Variants in CABIN1 observed in about 807,000 individuals in gnomAD.
The protein encoded by CABIN1 is calcineurin binding protein 1, also known as calcineurin-binding protein cabin-1.
Under a neutral mutation model 227.7 loss-of-function variants are expected in CABIN1, and 133 were observed. That is an observed-to-expected ratio of 0.58 (90% CI 0.51 to 0.67). The LOEUF is 0.67. Ranked by LOEUF, CABIN1 falls within the 30% of genes least tolerant of loss-of-function variation. The pLI, the probability that CABIN1 is intolerant of heterozygous loss-of-function variation, is 0.00. For missense variants in CABIN1, 2,408 were observed against 2,852.5 expected (o/e 0.84, Z 3.55); for synonymous variants, 1,086 against 1,155.1 (o/e 0.94, Z 1.21).
rs753097454 is a variant in CABIN1, at chr22:24,076,164, C to A, written c.2633-5C>A. The A allele has an allele frequency of 2.5e-6, 4 of 1,612,760 alleles. No individual in the cohort carries two copies. The South Asian group carries it at 4.4e-5, about 18-fold the overall frequency. Reference sequence around the variant, plus strand: ...TCTGTGTCTGTCGGCCTGGGCTTTCCCTAGGGATGTCAGAGACGCCCATGC... The same window carrying A: ...TCTGTGTCTGTCGGCCTGGGCTTTCACTAGGGATGTCAGAGACGCCCATGC... On this transcript the variant is annotated splice_polypyrimidine_tract_variant and splice_region_variant and intron_variant, in intron 18 of 36. Transcript: ENST00000263119.
rs569663586 is a variant in CABIN1, at chr22:24,048,168, G to T, written c.527-923G>T. Among the ~76,000 whole-genome samples, 97 of 150,638 alleles carry T rather than the reference G, an allele frequency of 6.4e-4. 1 individual carries two copies. The South Asian group carries it at 0.019, about 29-fold the overall frequency. ...TTGTAGGCAGTAGCTTTAATAATAG[G>T]TTTTTTTTTTAAAAAAAGGAGGAAA... is the stretch of plus-strand genomic sequence containing the variant. On this transcript the variant is annotated intron_variant, in intron 6 of 36. Coordinates refer to ENST00000263119, the MANE Select transcript of CABIN1 (RefSeq NM_012295.4).
chr22:24,113,730 G>C lies in CABIN1; in HGVS notation c.4282G>C (p.Gly1428Arg), dbSNP rs1270839158. 1 of 1,613,800 alleles carries C rather than the reference G, an allele frequency of 6.2e-7. No homozygotes were observed. The change falls in exon 27 of 37, where the codon GGG (glycine) becomes CGG (arginine). Residue 1428 changes from glycine to arginine, a missense_variant. Gly to Arg is a moderately radical substitution (Grantham distance 125, BLOSUM62 -2). This residue lies in a region of CABIN1 where 649 missense variants were observed against 910.3 expected (regional missense o/e 0.71). Coordinates refer to ENST00000263119, the MANE Select transcript of CABIN1 (RefSeq NM_012295.4). ...AGGAGCGACGGGTAAAGATCTTCAGGGGGCCACAGAAGAAAGAGGTATGAA... is the reference window on the plus strand; with the variant it reads ...AGGAGCGACGGGTAAAGATCTTCAGCGGGCCACAGAAGAAAGAGGTATGAA... ...QAGATGKDLQ[G>R]ATEERGKNEE...
chr22:24,136,797 C>T (rs548809732), intron 29 of CABIN1, among the ~76,000 whole-genome samples: 198 of 152,040 alleles, frequency 1.3e-3, no homozygotes, highest in Middle Eastern at 6.8e-3. Context: ...CTATGAAGCA[C>T]TGCCTTGACT....
Position 24,164,543 on chromosome 22 carries a change from G to T in CABIN1, c.4890G>T (p.Gln1630His). Residue 1630 changes from glutamine (Q) to histidine (H), a missense_variant, in exon 30 of 37, where the codon CAG (glutamine) becomes CAT (histidine). Physicochemically the swap from Gln to His is conservative, Grantham distance 24. This residue lies in a region of CABIN1 where 649 missense variants were observed against 910.3 expected (regional missense o/e 0.71). Transcript: ENST00000263119. The part of the protein sequence containing the change: ...STLLKVSSML[Q>H]RTPDQGKKYL... ...TGCTGAAGGTGTCCTCCATGCTTCAGCGGACCCCAGACCAGGGCAAGTGAG... is the reference window on the plus strand; with the variant it reads ...TGCTGAAGGTGTCCTCCATGCTTCATCGGACCCCAGACCAGGGCAAGTGAG... The T allele has an allele frequency of 6.2e-7, 1 of 1,604,938 alleles. No individual in the cohort carries two copies.
At position 24,117,604 on chromosome 22, in the gene CABIN1, G is replaced by C. The variant is rs147888826; in HGVS notation, c.4301-1763G>C. Reference sequence around the variant, plus strand: ...TAGAAAAGAGAATAGCTGTCTCTCTGAGAGAGGGGCGGCTGAGCGGGTCTT... The same window carrying C: ...TAGAAAAGAGAATAGCTGTCTCTCTCAGAGAGGGGCGGCTGAGCGGGTCTT... On this transcript the variant is annotated intron_variant, in intron 27 of 36. Transcript: ENST00000263119. Among the ~76,000 whole-genome samples, 460 of 152,276 alleles carry C rather than the reference G, an allele frequency of 3.0e-3. 5 individuals carry two copies. Among genetic ancestry groups the C allele is most frequent in the South Asian group, 0.019 (92 of 4,824 alleles).
intron 7 of CABIN1, among the ~76,000 whole-genome samples, chr22:24,050,520 G>A (rs537981973): frequency 6.6e-5 from 10 of 152,310 alleles, no homozygotes; most frequent in Admixed American, 6.5e-4. Flanking sequence ...ATAATTGAGA[G>A]AAAGATTTTA....
At position 24,041,140 on chromosome 22, in the gene CABIN1, C is replaced by G; in HGVS notation, c.212C>G (p.Ala71Gly). Residue 71 changes from alanine (A) to glycine (G), a missense_variant and splice_region_variant, in exon 5 of 37, where the codon GCA becomes GGA. Ala to Gly is a moderately conservative substitution (Grantham distance 60). This residue lies in a region of CABIN1 where 1,045 missense variants were observed against 1,168.4 expected (regional missense o/e 0.89). Transcript: ENST00000263119. ...ACTTCTGTTCTGTTTTGTTCACAGG[C>G]AGTTTCATCCGGTGATGAGAAAGAG... ...ELLEASLLRE[A>G]VSSGDEKEGL... 1 of 1,614,218 alleles carries G rather than the reference C, an allele frequency of 6.2e-7. No individual in the cohort carries two copies. Among genetic ancestry groups the G allele is most frequent in the South Asian group, 1.1e-5 (1 of 91,090 alleles).
chr22:24,137,875 T>C (rs2044515606), intron 29 of CABIN1, among the ~76,000 whole-genome samples: 1 of 152,388 alleles, frequency 6.6e-6, no homozygotes, highest in Middle Eastern at 3.4e-3. Context: ...CTCTGGTAGA[T>C]AGCCTTTAGG....
rs201352018 is a variant in CABIN1 at position 24,049,093 on chromosome 22, T to C, written c.529T>C (p.Cys177Arg). 2 of 1,613,868 alleles carry C rather than the reference T, an allele frequency of 1.2e-6. No individual in the cohort carries two copies. The highest frequency in any genetic ancestry group is 2.7e-5 in the African/African-American group (2 of 74,914). ...TAAACTGTCTCTTTCCCCGCCAGCATGTCTGTACTTCATCTGCAAAGCTTT... is the reference window on the plus strand; with the variant it reads ...TAAACTGTCTCTTTCCCCGCCAGCACGTCTGTACTTCATCTGCAAAGCTTT... Reference protein sequence around the residue: ...VLYTLSDYTTCLYFICKALEK... With the variant: ...VLYTLSDYTTRLYFICKALEK... Residue 177 changes from cysteine to arginine, a missense_variant and splice_region_variant, in exon 7 of 37, where the codon TGT (cysteine) becomes CGT (arginine). By Grantham distance (180) the Cys-to-Arg change is radical (BLOSUM62 -3). Coordinates refer to ENST00000263119, the MANE Select transcript of CABIN1 (RefSeq NM_012295.4).
At chr22:24,106,685 T>G (rs560513966) in intron 26 of CABIN1, among the ~76,000 whole-genome samples, 2 of 152,322 alleles carry the variant, frequency 1.3e-5, no homozygotes, top group East Asian at 3.9e-4. Context: ...TGTCTGTCTT[T>G]CTGTCTGTCT....
intron 29 of CABIN1, among the ~76,000 whole-genome samples, chr22:24,136,735 A>G (rs1225168116): frequency 2.1e-5 from 3 of 142,826 alleles, no homozygotes; most frequent in Admixed American, 6.9e-5. Flanking sequence ...TCACACACAC[A>G]CACGCACACA....
chr22:24,148,548 T>G (rs1339945142), intron 29 of CABIN1, among the ~76,000 whole-genome samples: 1 of 152,246 alleles, frequency 6.6e-6, no homozygotes, highest in Non-Finnish European at 1.5e-5. Context: ...CTTCCCTGTT[T>G]GCCTGCTCCC....
chr22:24,155,886 G>C, intron 29 of CABIN1: 1 of 437,542 alleles, frequency 2.3e-6, no homozygotes, highest in Non-Finnish European at 4.1e-6. Context: ...CCAGTCCAGG[G>C]AACCGGAGAG....
At chr22:24,097,705 G>A (rs2041976488) in intron 25 of CABIN1, among the ~76,000 whole-genome samples, 1 of 152,248 alleles carries the variant, frequency 6.6e-6, no homozygotes, top group South Asian at 2.1e-4. Flanking sequence ...GACTTTGCAT[G>A]GAGAGATGCA....
chr22:24,059,913 T>TC lies in CABIN1; in HGVS notation c.1400-7dup. The TC allele has an allele frequency of 6.2e-7, 1 of 1,613,610 alleles. No individual in the cohort carries two copies. The highest frequency in any genetic ancestry group is 8.5e-7 in the Non-Finnish European group (1 of 1,179,560). ...TTTATTCAAGTCAGGTTGTTCTTGC[T>TC]CCCCGGGCAGAAAAGCAGGACGTGC... On this transcript the variant is annotated splice_polypyrimidine_tract_variant and intron_variant, in intron 11 of 36. Coordinates refer to ENST00000263119, the MANE Select transcript of CABIN1 (RefSeq NM_012295.4).
intron 27 of CABIN1, among the ~76,000 whole-genome samples, chr22:24,118,426 A>T (rs1256559221): frequency 6.6e-6 from 1 of 152,000 alleles, no homozygotes; most frequent in Non-Finnish European, 1.5e-5. Context: ...GTTGTTGCTG[A>T]CTCGGCCCTG....
chr22:24,106,828 T>G (rs2042546699), intron 26 of CABIN1, among the ~76,000 whole-genome samples: 1 of 152,214 alleles, frequency 6.6e-6, no homozygotes, highest in African/African-American at 2.4e-5. Flanking sequence ...ATTCATCCCT[T>G]TTGCCCTATT....
intron 8 of CABIN1, among the ~76,000 whole-genome samples, chr22:24,054,071 AAG>A (rs995145366): frequency 2.6e-5 from 4 of 152,146 alleles, no homozygotes; most frequent in African/African-American, 9.7e-5. Flanking sequence ...AAGGAACTGA[AAG>A]AGAGCTAATG....
intron 23 of CABIN1, among the ~76,000 whole-genome samples, chr22:24,088,590 A>C (rs1357070626): frequency 6.6e-6 from 1 of 152,032 alleles, no homozygotes; most frequent in Admixed American, 6.5e-5. Context: ...CCTGGGCGAC[A>C]GAGTGAGACT....
Sources: allele counts gnomAD v4.1 joint callset (sites outside exome capture counted in the v4.1 genomes callset), GRCh38; gene constraint gnomAD v4.1.1; regional missense constraint gnomAD v4.1.1; transcripts MANE v1.5; gene names NCBI Gene and HGNC (gene_info 2026-07-23, HGNC 2026-07-21).